The following ROBO2 variants were observed in gnomAD, a reference collection of about 807,000 sequenced individuals.
ROBO2 encodes the protein roundabout guidance receptor 2.
ROBO2 carries 53 observed loss-of-function variants against 160.8 expected under a neutral mutation model. The ratio of observed to expected loss-of-function variants is 0.33; its 90% confidence interval spans 0.26 to 0.41. The LOEUF (loss-of-function observed/expected upper bound fraction) is 0.41. ROBO2 is among the 10% of genes least tolerant of loss of function. The pLI, the probability that ROBO2 is intolerant of heterozygous loss-of-function variation, is 1.00. For missense variants in ROBO2, 1,577 were observed against 1,722.4 expected (o/e 0.92, Z 1.49); for synonymous variants, 664 against 611.7 (o/e 1.09, Z -1.26).
intron 2 of ROBO2, among the ~76,000 whole-genome samples, chr3:77,445,160 A>T (rs2153557403): frequency 6.6e-6 from 1 of 152,334 alleles, no homozygotes; most frequent in African/African-American, 2.4e-5. Flanking sequence ...GAAGATGAAG[A>T]CAGGAGAGCA....
intron 2 of ROBO2, among the ~76,000 whole-genome samples, chr3:76,670,321 G>GT (rs34588032): frequency 0.47 from 68,287 of 145,750 alleles, 15,954 homozygotes; most frequent in South Asian, 0.55. Context: ...CCTGTAGTAG[G>GT]TTTTTTTTTT....
chr3:76,509,813 C>T (rs779633643), intron 2 of ROBO2, among the ~76,000 whole-genome samples: 5 of 152,138 alleles, frequency 3.3e-5, no homozygotes, highest in Non-Finnish European at 5.9e-5. Flanking sequence ...GCACCTTTAA[C>T]CTAAAAATTC....
At chr3:77,151,924 A>AT (rs935135450) in intron 2 of ROBO2, among the ~76,000 whole-genome samples, 14 of 152,060 alleles carry the variant, frequency 9.2e-5, no homozygotes, top group African/African-American at 3.1e-4. Flanking sequence ...TATCCTTTAG[A>AT]TTTTTTTCAG....
At chr3:76,588,189 C>A (rs759237151) in intron 2 of ROBO2, among the ~76,000 whole-genome samples, 1 of 152,138 alleles carries the variant, frequency 6.6e-6, no homozygotes, top group Non-Finnish European at 1.5e-5. Context: ...ATCTGTGTCA[C>A]TCATTTGGAA....
intron 2 of ROBO2, among the ~76,000 whole-genome samples, chr3:76,451,099 A>G (rs546627398): frequency 6.6e-6 from 1 of 152,228 alleles, no homozygotes; most frequent in African/African-American, 2.4e-5. Flanking sequence ...ATGCTAGGGA[A>G]GTAACACAAA....
At chr3:77,241,559 T>C (rs1483252727) in intron 2 of ROBO2, among the ~76,000 whole-genome samples, 1 of 152,220 alleles carries the variant, frequency 6.6e-6, no homozygotes, top group African/African-American at 2.4e-5. Flanking sequence ...TTTTCCCATC[T>C]GATAAGAATG....
chr3:76,964,260 G>T lies in ROBO2; in HGVS notation c.110-133754G>T, dbSNP rs191807817. Among the ~76,000 whole-genome samples, 39 of 152,260 alleles carry T rather than the reference G, an allele frequency of 2.6e-4. No individual in the cohort carries two copies. In the East Asian group the frequency reaches 4.4e-3, roughly 17 times the overall value. ...CACATAGGTTTTAATTCATATTAAG[G>T]TTTAAATGTTGAGTCTAATTATTTG... On this transcript the variant is annotated intron_variant, in intron 2 of 26. Coordinates refer to the ROBO2 transcript ENST00000487694.
rs575669005 is a variant in ROBO2, at chr3:77,597,596, A to G, written c.2854+846A>G. Among the ~76,000 whole-genome samples, 5 of 152,278 alleles carry G rather than the reference A, an allele frequency of 3.3e-5. No individual in the cohort carries two copies. In the South Asian group the frequency reaches 1.0e-3, roughly 32 times the overall value. On this transcript the variant is annotated intron_variant, in intron 19 of 25. Coordinates refer to ENST00000461745, the Ensembl canonical transcript of ROBO2. Reference sequence around the variant, plus strand: ...TTGTACAGACATTAAATGTGCTTAAACTGCCTTGCCAGAACCCCATGTGGC... The same window carrying G: ...TTGTACAGACATTAAATGTGCTTAAGCTGCCTTGCCAGAACCCCATGTGGC...
In ROBO2 at chr3:76,587,022, T is replaced by A. The variant is rs370429628; in HGVS notation, c.110-510992T>A. ...TGTAGAACTAGAAATATGCTTCTTT[T>A]TAAATTGTTGAGCCCAGATACATGA... On this transcript the variant is annotated intron_variant, in intron 2 of 26. Coordinates refer to the ROBO2 transcript ENST00000487694. Among the ~76,000 whole-genome samples the A allele has an allele frequency of 2.7e-4, 41 of 152,292 alleles. 1 individual carries two copies. Among genetic ancestry groups the A allele is most frequent in the South Asian group, 2.5e-3 (12 of 4,826 alleles).
chr3:75,977,964 G>A (rs559690612), intron 2 of ROBO2, among the ~76,000 whole-genome samples: 1 of 151,452 alleles, frequency 6.6e-6, no homozygotes, highest in Non-Finnish European at 1.5e-5. Flanking sequence ...TCAATGGAAA[G>A]ATGTTATAAT....
chr3:77,455,682 G>A (rs567121774), intron 2 of ROBO2, among the ~76,000 whole-genome samples: 1 of 151,552 alleles, frequency 6.6e-6, no homozygotes, highest in South Asian at 2.1e-4. Flanking sequence ...CGCCCGCCTC[G>A]GGCTCCCAAA....
chr3:77,458,214 A>G (rs2081886266), intron 2 of ROBO2, among the ~76,000 whole-genome samples: 1 of 152,210 alleles, frequency 6.6e-6, no homozygotes, highest in Admixed American at 6.5e-5. Flanking sequence ...TCAATCACCA[A>G]AACATGTGGG....
intron 2 of ROBO2, among the ~76,000 whole-genome samples, chr3:75,981,645 A>G (rs947538245): frequency 2.6e-5 from 4 of 151,330 alleles, no homozygotes; most frequent in Non-Finnish European, 4.4e-5. Flanking sequence ...TTTTGTGGGT[A>G]CATAGTAGGT....
chr3:76,450,274 A>C (rs1349045031), intron 2 of ROBO2, among the ~76,000 whole-genome samples: 2 of 152,166 alleles, frequency 1.3e-5, no homozygotes, highest in African/African-American at 4.8e-5. Flanking sequence ...AGAGTGACAA[A>C]TTTCAGGAAA....
intron 2 of ROBO2, among the ~76,000 whole-genome samples, chr3:76,293,123 G>A (rs931627408): frequency 1.3e-5 from 2 of 152,100 alleles, no homozygotes; most frequent in African/African-American, 2.4e-5. Context: ...AAAGGAATTT[G>A]CACAGAGGTA....
intron 2 of ROBO2, among the ~76,000 whole-genome samples, chr3:76,560,238 A>G (rs1168618491): frequency 1.3e-5 from 2 of 152,128 alleles, no homozygotes; most frequent in African/African-American, 4.8e-5. Context: ...ACGTCTGGAC[A>G]CAAGATAATT....
intron 2 of ROBO2, among the ~76,000 whole-genome samples, chr3:76,513,945 T>C (rs2081230269): frequency 6.6e-6 from 1 of 152,184 alleles, no homozygotes; most frequent in Non-Finnish European, 1.5e-5. Flanking sequence ...ATGTTAACAA[T>C]CATTTTTTAA....
chr3:77,325,817 T>A (rs1250363798), intron 2 of ROBO2, among the ~76,000 whole-genome samples: 1 of 152,162 alleles, frequency 6.6e-6, no homozygotes, highest in Non-Finnish European at 1.5e-5. Context: ...TTTCAGAGGA[T>A]AAATAGTATT....
intron 2 of ROBO2, among the ~76,000 whole-genome samples, chr3:76,267,208 C>G (rs527567879): frequency 1.3e-5 from 2 of 152,278 alleles, no homozygotes; most frequent in Admixed American, 1.3e-4. Flanking sequence ...GTCAAACCAT[C>G]TCTTTGTCCA....
Sources: gnomAD v4.1 joint callset for allele counts (sites outside exome capture counted in the v4.1 genomes callset) on GRCh38, gnomAD v4.1.1 for gene constraint, MANE v1.5 for transcripts, NCBI Gene and HGNC (gene_info 2026-07-23, HGNC 2026-07-21) for gene names.